ZDHHC9: variants seen among roughly 807,000 people sequenced by gnomAD.
ZDHHC9 encodes zDHHC palmitoyltransferase 9.
ZDHHC9 carries 3 observed loss-of-function variants against 26.6 expected under a neutral mutation model. The ratio of observed to expected loss-of-function variants is 0.11; its 90% CI spans 0.05 to 0.29. ZDHHC9 has a LOEUF of 0.29. Among genes scored for constraint, ZDHHC9 ranks in the 10% least tolerant of loss-of-function variants. The probability of loss-of-function intolerance (pLI) is 1.00; values close to 1 mark genes in which losing one functional copy is unlikely to be tolerated. For missense variants in ZDHHC9, 146 were observed against 296.4 expected (o/e 0.49, Z 3.73); for synonymous variants, 111 against 109.4 (o/e 1.01, Z -0.09).
At position 129,840,493 on chromosome X, in the gene ZDHHC9, G is replaced by A. The variant is rs140322099; in HGVS notation, c.167+1286C>T. 5.8e-3 allele frequency among the ~76,000 whole-genome samples: 651 copies of A among 111,413 alleles called. 5 individuals carry two copies. The highest frequency in any genetic ancestry group is 9.3e-3 in the Non-Finnish European group (493 of 53,060). On this transcript the variant is annotated intron_variant, in intron 3 of 10. Transcript: ENST00000357166. ...ACTGGTACCACACACAAGCACGTGCGTGCACATATGCACACACACACACTC... is the reference window on the plus strand; with the variant it reads ...ACTGGTACCACACACAAGCACGTGCATGCACATATGCACACACACACACTC...
rs1326302355 is a variant in ZDHHC9, at chrX:129,819,066, G to A, written c.488-4271C>T. Among the ~76,000 whole-genome samples the A allele has an allele frequency of 2.8e-5, 3 of 107,268 alleles. No homozygotes were observed. The Admixed American group carries it at 3.0e-4, about 11-fold the overall frequency. The allele number at this position is 107,268 out of a possible 115,157, so 93.1% of individuals were successfully genotyped here. A position where few individuals can be genotyped will look rare whatever the true frequency, so the allele number is the denominator to read the frequency against. Reference sequence around the variant, plus strand: ...CGGGAGCCTGTAGTCCCAGCTACTCGGGAGGCTGAGGCAGAAGAATGGCGT... The same window carrying A: ...CGGGAGCCTGTAGTCCCAGCTACTCAGGAGGCTGAGGCAGAAGAATGGCGT... On this transcript the variant is annotated intron_variant, in intron 5 of 10. Coordinates refer to ENST00000357166, the MANE Select transcript of ZDHHC9 (RefSeq NM_016032.4).
chrX:129,842,976 A>G (rs1928416722), intron 2 of ZDHHC9, among the ~76,000 whole-genome samples: 1 of 112,326 alleles, frequency 8.9e-6, no homozygotes, highest in Non-Finnish European at 1.9e-5. Flanking sequence ...CAGCATCCTG[A>G]ATTCCCAGGC....
intron 3 of ZDHHC9, among the ~76,000 whole-genome samples, chrX:129,840,329 T>A (rs777415015): frequency 1.8e-5 from 2 of 110,912 alleles, no homozygotes; most frequent in South Asian, 7.5e-4. Context: ...GGAAGAATGA[T>A]AAAGAACAGA....
intron 5 of ZDHHC9, 99 bp from the exon 6 acceptor site, chrX:129,814,894 G>T: frequency 3.4e-6 from 3 of 877,702 alleles, no homozygotes; most frequent in Non-Finnish European, 4.8e-6. Flanking sequence ...CAGGATCATT[G>T]TCTATTTCAG....
At chrX:129,820,194 T>C (rs1414472509) in intron 5 of ZDHHC9, among the ~76,000 whole-genome samples, 1 of 111,709 alleles carries the variant, frequency 9.0e-6, no homozygotes, top group Non-Finnish European at 1.9e-5. Context: ...ATTAATCTTA[T>C]TAGATTGCCT....
chrX:129,825,231 AGG>A (rs1927987408), intron 4 of ZDHHC9, among the ~76,000 whole-genome samples: 1 of 111,372 alleles, frequency 9.0e-6, no homozygotes, highest in African/African-American at 3.3e-5. Context: ...TGAACCTGGG[AGG>A]CAGCCTGGGT....
intron 2 of ZDHHC9, among the ~76,000 whole-genome samples, chrX:129,842,443 G>A (rs1379682445): frequency 8.9e-6 from 1 of 112,606 alleles, no homozygotes; most frequent in Middle Eastern, 4.2e-3. Context: ...AACTTATCCA[G>A]GACCACACAG....
Position 129,806,364 on chromosome X carries a change from G to C in ZDHHC9, c.*6C>G. 1 of 1,202,839 alleles carries C rather than the reference G, an allele frequency of 8.3e-7. No homozygotes were observed. Among genetic ancestry groups the C allele is most frequent in the Non-Finnish European group, 1.1e-6 (1 of 887,300 alleles). On this transcript the variant is annotated 3_prime_UTR_variant, in exon 11 of 11. Coordinates refer to ENST00000357166, the MANE Select transcript of ZDHHC9 (RefSeq NM_016032.4). ...AACACAAACAAAAGTCTCTTCCATA[G>C]ATAGGCTACTTCTCAGCTTCAGCTG... is the stretch of plus-strand genomic sequence containing the variant.
chrX:129,816,219 G>A (rs1482758436), intron 5 of ZDHHC9, among the ~76,000 whole-genome samples: 1 of 111,384 alleles, frequency 9.0e-6, no homozygotes, highest in Non-Finnish European at 1.9e-5. Flanking sequence ...TCAAAAATAC[G>A]GTATTCACAA....
At chrX:129,810,853 A>G (rs969332637) in intron 10 of ZDHHC9, 52 bp downstream of exon 10, 1 of 1,079,505 alleles carries the variant, frequency 9.3e-7, no homozygotes, top group Non-Finnish European at 1.3e-6. Flanking sequence ...CAAGCTGTAA[A>G]TTAGCCTCCG....
At chrX:129,814,921 G>GTTTT in intron 5 of ZDHHC9, 126 bp from the exon 6 acceptor site, 6 of 559,228 alleles carry the variant, frequency 1.1e-5, no homozygotes, top group Admixed American at 4.2e-5. Flanking sequence ...AAAATATAGG[G>GTTTT]TTTTTTTTTT....
chrX:129,821,662 G>A lies in ZDHHC9; in HGVS notation c.487+2017C>T, dbSNP rs1168710658. Among the ~76,000 whole-genome samples the A allele has an allele frequency of 4.6e-5, 5 of 108,667 alleles. No individual in the cohort carries two copies. The Admixed American group carries it at 4.9e-4, about 11-fold the overall frequency. The allele number at this position is 108,667 out of a possible 115,157, so 94.4% of individuals were successfully genotyped here. A position where few individuals can be genotyped will look rare whatever the true frequency, so the allele number is the denominator to read the frequency against. On this transcript the variant is annotated intron_variant, in intron 5 of 10. Coordinates refer to ENST00000357166, the MANE Select transcript of ZDHHC9 (RefSeq NM_016032.4). Reference sequence around the variant, plus strand: ...TCGACAGCCGGGTGTGGTGGCTCATGCCTGTAATCTCAGCACTTTGGGAGG... The same window carrying A: ...TCGACAGCCGGGTGTGGTGGCTCATACCTGTAATCTCAGCACTTTGGGAGG...
At chrX:129,813,621 A>G in intron 7 of ZDHHC9, 56 bp downstream of exon 7, 1 of 1,127,302 alleles carries the variant, frequency 8.9e-7, no homozygotes, top group African/African-American at 1.8e-5. Flanking sequence ...GGGAAAAAGC[A>G]TGCTGGAAAG....
intron 10 of ZDHHC9, among the ~76,000 whole-genome samples, chrX:129,810,639 G>A (rs1351226035): frequency 3.6e-5 from 4 of 111,620 alleles, no homozygotes; most frequent in African/African-American, 1.3e-4. Flanking sequence ...AGCTCCTTGA[G>A]AGCAGGGACA....
intron 4 of ZDHHC9, among the ~76,000 whole-genome samples, chrX:129,826,553 A>G (rs1178383054): frequency 1.8e-5 from 2 of 111,746 alleles, no homozygotes; most frequent in Non-Finnish European, 3.8e-5. Context: ...TGTGAGAGGC[A>G]GGAGACAAGT....
chrX:129,809,839 A>C (rs1001450128), intron 10 of ZDHHC9, among the ~76,000 whole-genome samples: 4 of 110,080 alleles, frequency 3.6e-5, no homozygotes, highest in African/African-American at 1.3e-4. Context: ...CTCTACTAAA[A>C]AATACAAAAT....
At chrX:129,837,691 A>G (rs1244643658) in intron 3 of ZDHHC9, among the ~76,000 whole-genome samples, 1 of 112,096 alleles carries the variant, frequency 8.9e-6, no homozygotes, top group African/African-American at 3.2e-5. Context: ...GTGAGACCAT[A>G]AGCACTGATT....
chrX:129,839,552 C>T (rs980273641), intron 3 of ZDHHC9, among the ~76,000 whole-genome samples: 6 of 111,126 alleles, frequency 5.4e-5, no homozygotes, highest in Non-Finnish European at 1.1e-4. Context: ...CTCCCCAAAC[C>T]CTGCCCCCAC....
chrX:129,811,614 T>A, intron 8 of ZDHHC9, 105 bp from the exon 9 acceptor site: 1 of 684,968 alleles, frequency 1.5e-6, no homozygotes, highest in Non-Finnish European at 2.2e-6. Flanking sequence ...ATAATAATAA[T>A]GTTGAAGAAA....
Sources: allele counts gnomAD v4.1 joint callset (sites outside exome capture counted in the v4.1 genomes callset), GRCh38; gene constraint gnomAD v4.1.1; transcripts MANE v1.5; gene names NCBI Gene and HGNC (gene_info 2026-07-23, HGNC 2026-07-21).